The following SV2B variants were observed in gnomAD, a reference collection of about 807,000 sequenced individuals.
SV2B encodes synaptic vesicle glycoprotein 2B.
Under a neutral mutation model 73.9 loss-of-function variants are expected in SV2B, and 41 were observed. The observed-to-expected ratio is 0.56, with a 90% CI of 0.43 to 0.72. The LOEUF is 0.72. Among genes scored for constraint, SV2B ranks in the 30% least tolerant of loss-of-function variants. SV2B has a pLI of 0.00. For missense variants in SV2B, 764 were observed against 857.8 expected (o/e 0.89, Z 1.37); for synonymous variants, 314 against 314.2 (o/e 1.00, Z 0.01).
At chr15:91,178,713 G>A (rs1286220981) in intron 1 of SV2B, among the ~76,000 whole-genome samples, 2 of 150,442 alleles carry the variant, frequency 1.3e-5, no homozygotes, top group African/African-American at 2.4e-5. Flanking sequence ...GTGGTAGTTC[G>A]TATTTCTGTG....
At chr15:91,230,923 G>C (rs1596635922) in intron 2 of SV2B, among the ~76,000 whole-genome samples, 1 of 152,308 alleles carries the variant, frequency 6.6e-6, no homozygotes, top group East Asian at 1.9e-4. Flanking sequence ...TGAAGGGATA[G>C]AGCTTGAGGT....
intron 2 of SV2B, among the ~76,000 whole-genome samples, chr15:91,247,885 C>T (rs1327288317): frequency 1.3e-5 from 2 of 152,180 alleles, no homozygotes; most frequent in African/African-American, 4.8e-5. Flanking sequence ...TTCATAACTG[C>T]ACAGTGTTCA....
intron 1 of SV2B, among the ~76,000 whole-genome samples, chr15:91,203,971 A>T (rs2045550481): frequency 6.6e-6 from 1 of 152,222 alleles, no homozygotes; most frequent in Non-Finnish European, 1.5e-5. Context: ...AATCAGGTCC[A>T]TTTATGCAAA....
chr15:91,252,662 C>A lies in SV2B; in HGVS notation c.784+142C>A. The A allele has an allele frequency of 1.2e-6, 1 of 863,840 alleles. No individual in the cohort carries two copies. Among genetic ancestry groups the A allele is most frequent in the Non-Finnish European group, 1.6e-6 (1 of 643,322 alleles). 53.5% of individuals were successfully genotyped at this position (863,840 alleles called of 1,614,324 possible). ...CTTGATCTTTCTTAACAACTTCTAA[C>A]ATTGCAGACACATTGTTAATTTCAA... On this transcript the variant is annotated intron_variant, in intron 4 of 12. Coordinates refer to ENST00000394232, the MANE Select transcript of SV2B (RefSeq NM_001323032.3). The surrounding 1 kb of genome is among the most constrained non-coding windows in gnomAD (Gnocchi z 4.6).
At chr15:91,147,777 G>A (rs1371483016) in intron 1 of SV2B, among the ~76,000 whole-genome samples, 4 of 152,044 alleles carry the variant, frequency 2.6e-5, no homozygotes, top group Non-Finnish European at 5.9e-5. Flanking sequence ...CTAGTGCCTA[G>A]GAGGAAACAA....
At position 91,188,537 on chromosome 15, in the gene SV2B, G is replaced by T. The variant is rs185338763; in HGVS notation, c.-391-37336G>T. On this transcript the variant is annotated intron_variant, in intron 1 of 12. Coordinates refer to ENST00000394232, the MANE Select transcript of SV2B (RefSeq NM_001323032.3). ...TCATCGTGTTGGCCAGGATGGTCTCGATCTTCTGACCTCGTGATCCACCCA... is the reference window on the plus strand; with the variant it reads ...TCATCGTGTTGGCCAGGATGGTCTCTATCTTCTGACCTCGTGATCCACCCA... Among the ~76,000 whole-genome samples the T allele has an allele frequency of 3.9e-5, 6 of 151,956 alleles. No homozygotes were observed. The South Asian group carries it at 1.2e-3, about 32-fold the overall frequency.
chr15:91,106,296 C>T lies in SV2B; in HGVS notation c.-392+5933C>T, dbSNP rs56139831. On this transcript the variant is annotated intron_variant, in intron 1 of 12. Transcript: ENST00000394232. This position sits in a 1 kb window ranked among gnomAD's most constrained non-coding sequence, Gnocchi z 4.4. ...GAGTCTAGAGTTCAGGGAAGAGTTT[C>T]AGGAAGGAGACATAGGTTTGAGTAT... Among the ~76,000 whole-genome samples the T allele has an allele frequency of 0.015, 2,296 of 152,218 alleles. 66 individuals carry two copies. Among genetic ancestry groups the T allele is most frequent in the African/African-American group, 0.051 (2,128 of 41,512 alleles).
In SV2B at chr15:91,292,621, G is replaced by A. The variant is rs2049083675; in HGVS notation, c.*69G>A. ...ACACTGAAATGCATCCACACTTCCTGCCTATCACGGTCCGGAGGACACCTT... is the reference window on the plus strand; with the variant it reads ...ACACTGAAATGCATCCACACTTCCTACCTATCACGGTCCGGAGGACACCTT... On this transcript the variant is annotated 3_prime_UTR_variant, in exon 13 of 13. Transcript: ENST00000394232. 5.2e-6 allele frequency: 8 copies of A among 1,539,792 alleles called. No homozygotes were observed. The highest frequency in any genetic ancestry group is 2.0e-5 in the Admixed American group (1 of 50,040).
chr15:91,290,643 G>A lies in SV2B; in HGVS notation c.1868+963G>A, dbSNP rs114530273. ...TGATATCCATTTAATAATGGCAGACGTCATAAAATAATTAGGGATCAACTT... is the reference window on the plus strand; with the variant it reads ...TGATATCCATTTAATAATGGCAGACATCATAAAATAATTAGGGATCAACTT... On this transcript the variant is annotated intron_variant, in intron 12 of 12. Coordinates refer to ENST00000394232, the MANE Select transcript of SV2B (RefSeq NM_001323032.3). This position sits in a 1 kb window ranked among gnomAD's most constrained non-coding sequence, Gnocchi z 4.7. 5.6e-3 allele frequency among the ~76,000 whole-genome samples: 847 copies of A among 152,130 alleles called. 9 individuals are homozygous for A. The highest frequency in any genetic ancestry group is 0.019 in the African/African-American group (803 of 41,510).
chr15:91,176,329 T>C (rs2044307681), intron 1 of SV2B, among the ~76,000 whole-genome samples: 1 of 151,998 alleles, frequency 6.6e-6, no homozygotes, highest in South Asian at 2.1e-4. Flanking sequence ...TTTGCTATTG[T>C]GAATAGTGCC....
chr15:91,222,311 T>C (rs1392895753), intron 1 of SV2B, among the ~76,000 whole-genome samples: 2 of 152,208 alleles, frequency 1.3e-5, no homozygotes, highest in African/African-American at 4.8e-5. Flanking sequence ...GGTTAAAAGA[T>C]GTAAAGCACA....
chr15:91,131,147 GT>G (rs56130189), intron 1 of SV2B, among the ~76,000 whole-genome samples: 51,910 of 117,880 alleles, frequency 0.44, 11,913 homozygotes, highest in East Asian at 0.84. Context: ...ATGTTTTCTT[GT>G]TTTTTTTTTT....
chr15:91,152,198 G>A (rs926357430), intron 1 of SV2B, among the ~76,000 whole-genome samples: 22 of 151,870 alleles, frequency 1.4e-4, no homozygotes, highest in Admixed American at 2.0e-4. Flanking sequence ...TAAAAAAATC[G>A]TTGAGGCTCT....
rs2046369458 is a variant in SV2B, at chr15:91,226,171, A to G, written c.-93A>G. ...TGAACATATTTCACATTTGAACTAC[A>G]TAATGAATGATGGTTATTGAAATAG... is the stretch of plus-strand genomic sequence containing the variant. On this transcript the variant is annotated 5_prime_UTR_variant, in exon 2 of 13. Coordinates refer to ENST00000394232, the MANE Select transcript of SV2B (RefSeq NM_001323032.3). 3 of 1,229,896 alleles carry G rather than the reference A, an allele frequency of 2.4e-6. No individual in the cohort carries two copies. In the South Asian group the frequency reaches 4.1e-5, roughly 17 times the overall value. The allele number at this position is 1,229,896 out of a possible 1,614,324, so 76.2% of individuals were successfully genotyped here. A position where few individuals can be genotyped will look rare whatever the true frequency, so the allele number is the denominator to read the frequency against.
chr15:91,197,168 A>G lies in SV2B; in HGVS notation c.-391-28705A>G, dbSNP rs1382985966. On this transcript the variant is annotated intron_variant, in intron 1 of 12. Transcript: ENST00000394232. The surrounding 1 kb of genome is among the most constrained non-coding windows in gnomAD (Gnocchi z 4.9). ...CTTCTCAGAGAATCAATACCCATTA[A>G]CAAAAAGAAATGCTGTGATCATTGT... Among the ~76,000 whole-genome samples the G allele has an allele frequency of 6.6e-6, 1 of 152,212 alleles. No individual in the cohort carries two copies. The highest frequency in any genetic ancestry group is 2.4e-5 in the African/African-American group (1 of 41,450).
At chr15:91,162,787 A>G (rs547773715) in intron 1 of SV2B, among the ~76,000 whole-genome samples, 1 of 152,272 alleles carries the variant, frequency 6.6e-6, no homozygotes, top group South Asian at 2.1e-4. Context: ...TGTTTTTATT[A>G]TACTTTAAGT....
At chr15:91,117,498 G>A (rs778077933) in intron 1 of SV2B, among the ~76,000 whole-genome samples, 4 of 152,146 alleles carry the variant, frequency 2.6e-5, no homozygotes, top group Non-Finnish European at 5.9e-5. Context: ...AACTGGGATT[G>A]GCTCTCCTTC....
intron 1 of SV2B, among the ~76,000 whole-genome samples, chr15:91,153,804 A>AGGGCAGGGGCAG (rs147212870): frequency 2.6e-5 from 4 of 151,024 alleles, no homozygotes; most frequent in Admixed American, 1.3e-4. Context: ...GAATTATGTG[A>AGGGCAGGGGCAG]GGGCAGGGGC....
At chr15:91,183,142 G>C (rs1339402341) in intron 1 of SV2B, among the ~76,000 whole-genome samples, 3 of 152,124 alleles carry the variant, frequency 2.0e-5, no homozygotes, top group African/African-American at 4.8e-5. Flanking sequence ...CGTTGTCTGG[G>C]GTCTAGAAAG....
Sources: allele counts gnomAD v4.1 joint callset (sites outside exome capture counted in the v4.1 genomes callset), GRCh38; gene constraint gnomAD v4.1.1; non-coding constraint Gnocchi (gnomAD v3.1); transcripts MANE v1.5; gene names NCBI Gene and HGNC (gene_info 2026-07-23, HGNC 2026-07-21).